Variants in GPC5 observed in about 807,000 individuals in gnomAD.
GPC5 encodes glypican 5.
In GPC5, 47 loss-of-function variants were observed where a neutral mutation model predicts 53.9. The ratio of observed to expected loss-of-function variants is 0.87; its 90% CI spans 0.69 to 1.11. The LOEUF (loss-of-function observed/expected upper bound fraction) is 1.11, where lower values mean the gene tolerates loss of function less well. Among genes scored for constraint, GPC5 ranks in the 50% most tolerant of loss-of-function variants. The probability of loss-of-function intolerance (pLI) is 0.00; values close to 1 mark genes in which losing one functional copy is unlikely to be tolerated. For synonymous variants in GPC5, 286 were observed against 263.3 expected (o/e 1.09, Z -0.84); for missense variants, 748 against 713.1 (o/e 1.05, Z -0.56).
chr13:92,155,954 A>C (rs983133291), intron 7 of GPC5, among the ~76,000 whole-genome samples: 16 of 152,128 alleles, frequency 1.1e-4, no homozygotes, highest in African/African-American at 3.9e-4. Context: ...TATGGTGATA[A>C]ATTTTTGTGA....
chr13:91,517,323 C>T lies in GPC5; in HGVS notation c.325+68401C>T, dbSNP rs367628809. 1.0e-3 allele frequency among the ~76,000 whole-genome samples: 159 copies of T among 152,300 alleles called. 1 individual carries two copies. In the South Asian group the frequency reaches 0.023, roughly 22 times the overall value. On this transcript the variant is annotated intron_variant, in intron 2 of 7. Coordinates refer to ENST00000377067, the MANE Select transcript of GPC5 (RefSeq NM_004466.6). ...TGCTGCTCAGAAATTTCTTCCACCA[C>T]GCAAAGTGAATCATCTCTCTCAAGT...
intron 7 of GPC5, among the ~76,000 whole-genome samples, chr13:92,333,588 T>TA (rs1566543134): frequency 6.6e-6 from 1 of 152,012 alleles, no homozygotes; most frequent in Non-Finnish European, 1.5e-5. Flanking sequence ...GGCATAGGCT[T>TA]AAAAAAAGAC....
intron 5 of GPC5, 111 bp from the exon 6 acceptor site, chr13:91,907,826 T>C (rs1205858378): frequency 5.0e-6 from 5 of 1,005,082 alleles, no homozygotes; most frequent in African/African-American, 3.4e-5. Flanking sequence ...GAAAAATACA[T>C]TGGTGTATTC....
At chr13:91,814,577 G>A (rs1216670464) in intron 5 of GPC5, among the ~76,000 whole-genome samples, 3 of 151,202 alleles carry the variant, frequency 2.0e-5, no homozygotes, top group Admixed American at 6.6e-5. Flanking sequence ...TTTCACTCTC[G>A]TCACCCAGGC....
intron 5 of GPC5, among the ~76,000 whole-genome samples, chr13:91,827,436 G>C (rs1212924560): frequency 2.0e-5 from 3 of 151,774 alleles, no homozygotes; most frequent in Admixed American, 2.0e-4. Flanking sequence ...GTAAAGGCTG[G>C]CCTAGAATAT....
chr13:92,633,533 A>C (rs1249897906), intron 7 of GPC5, among the ~76,000 whole-genome samples: 1 of 152,116 alleles, frequency 6.6e-6, no homozygotes, highest in Non-Finnish European at 1.5e-5. Flanking sequence ...TTAAGTATAA[A>C]TGTTTTATTT....
chr13:92,309,039 A>T lies in GPC5; in HGVS notation c.1561+164050A>T, dbSNP rs1265685274. Among the ~76,000 whole-genome samples, 3 of 152,130 alleles carry T rather than the reference A, an allele frequency of 2.0e-5. No homozygotes were observed. The South Asian group carries it at 6.2e-4, about 31-fold the overall frequency. ...AATATTGAGCACATTCATAAAATGAAAAACAAAAACAACACTAGCACTTTT... is the reference window on the plus strand; with the variant it reads ...AATATTGAGCACATTCATAAAATGATAAACAAAAACAACACTAGCACTTTT... On this transcript the variant is annotated intron_variant, in intron 7 of 7. Transcript: ENST00000377067.
At chr13:91,918,600 T>G (rs941237870) in intron 6 of GPC5, among the ~76,000 whole-genome samples, 4 of 152,238 alleles carry the variant, frequency 2.6e-5, no homozygotes. Flanking sequence ...CACTTCTGTC[T>G]GATTGCTGCC....
intron 6 of GPC5, among the ~76,000 whole-genome samples, chr13:91,928,636 G>C (rs2039792205): frequency 2.0e-5 from 3 of 152,124 alleles, no homozygotes; most frequent in Non-Finnish European, 4.4e-5. Context: ...TCTAGAAGTT[G>C]ACAATATCAG....
chr13:91,893,138 A>G (rs1479825203), intron 5 of GPC5, among the ~76,000 whole-genome samples: 3 of 152,024 alleles, frequency 2.0e-5, no homozygotes, highest in Non-Finnish European at 4.4e-5. Flanking sequence ...AAAGATTTAC[A>G]CAAACAAAGA....
intron 5 of GPC5, among the ~76,000 whole-genome samples, chr13:91,778,187 G>A (rs2037741674): frequency 6.6e-6 from 1 of 152,130 alleles, no homozygotes; most frequent in Non-Finnish European, 1.5e-5. Context: ...TTAATAGGTG[G>A]CCAAATTTAG....
intron 6 of GPC5, among the ~76,000 whole-genome samples, chr13:92,090,583 A>G (rs2041372128): frequency 6.6e-6 from 1 of 152,162 alleles, no homozygotes; most frequent in Non-Finnish European, 1.5e-5. Context: ...TATTGCTTAG[A>G]ATCCACCAAT....
At chr13:91,939,798 A>G (rs1457535794) in intron 6 of GPC5, among the ~76,000 whole-genome samples, 1 of 152,130 alleles carries the variant, frequency 6.6e-6, no homozygotes, top group African/African-American at 2.4e-5. Flanking sequence ...GTTGAAGGAG[A>G]TGGAACTGAC....
chr13:91,675,162 GA>G (rs869227257), intron 2 of GPC5, among the ~76,000 whole-genome samples: 2 of 135,224 alleles, frequency 1.5e-5, no homozygotes, highest in African/African-American at 3.2e-5. Context: ...AAACTCAGGG[GA>G]AAAAAAAACC....
intron 2 of GPC5, among the ~76,000 whole-genome samples, chr13:91,538,369 G>C (rs914969191): frequency 1.3e-5 from 2 of 152,188 alleles, no homozygotes; most frequent in Middle Eastern, 3.4e-3. Flanking sequence ...ACATGTAGTT[G>C]TAACCTTTTT....
intron 7 of GPC5, among the ~76,000 whole-genome samples, chr13:92,423,913 T>C (rs1220784930): frequency 3.9e-5 from 6 of 152,138 alleles, no homozygotes; most frequent in Admixed American, 3.9e-4. Flanking sequence ...TAAAAATTTA[T>C]CCACCATTAA....
chr13:92,174,569 CA>C (rs888956166), intron 7 of GPC5, among the ~76,000 whole-genome samples: 9 of 149,208 alleles, frequency 6.0e-5, no homozygotes, highest in Admixed American at 3.3e-4. Flanking sequence ...ACAACAACAA[CA>C]AAAAAAACAA....
At chr13:91,634,802 A>G (rs1301872634) in intron 2 of GPC5, among the ~76,000 whole-genome samples, 5 of 152,114 alleles carry the variant, frequency 3.3e-5, no homozygotes, top group African/African-American at 1.2e-4. Context: ...TTGTTAAAAA[A>G]AAGTGTTCCA....
intron 1 of GPC5, among the ~76,000 whole-genome samples, chr13:91,406,791 A>T (rs774389326): frequency 1.3e-5 from 2 of 152,024 alleles, no homozygotes; most frequent in South Asian, 4.2e-4. Context: ...GTTGTGAGGG[A>T]CTTCGCCTCT....
Sources: gnomAD v4.1 joint callset for allele counts (sites outside exome capture counted in the v4.1 genomes callset) on GRCh38, gnomAD v4.1.1 for gene constraint, MANE v1.5 for transcripts, NCBI Gene and HGNC (gene_info 2026-07-23, HGNC 2026-07-21) for gene names.